CDH4: variants seen among roughly 807,000 people sequenced by gnomAD.
CDH4 encodes cadherin-4.
In CDH4, 33 loss-of-function variants were observed where a neutral mutation model predicts 86.0. That is an observed-to-expected ratio of 0.38 (90% CI 0.29 to 0.51). The LOEUF (loss-of-function observed/expected upper bound fraction) is 0.51. CDH4 is among the 20% of genes least tolerant of loss of function. The pLI, the probability that CDH4 is intolerant of heterozygous loss-of-function variation, is 0.86. For missense variants in CDH4, 1,114 were observed against 1,307.4 expected, an observed-to-expected ratio of 0.85 and a Z score of 2.28; for synonymous variants, 555 against 549.4, an observed-to-expected ratio of 1.01 and a Z score of -0.14.
At chr20:61,509,371 G>A (rs538207870) in intron 2 of CDH4, among the ~76,000 whole-genome samples, 3 of 151,522 alleles carry the variant, frequency 2.0e-5, no homozygotes, top group African/African-American at 7.3e-5. Context: ...CTGGACAAGG[G>A]CAACCATGAT....
At chr20:61,412,981 C>T (rs1280160120) in intron 2 of CDH4, among the ~76,000 whole-genome samples, 2 of 152,196 alleles carry the variant, frequency 1.3e-5, no homozygotes, top group African/African-American at 4.8e-5. Context: ...CTAGGCTTTG[C>T]TTCTGTCCTC....
chr20:61,888,017 G>C (rs960316046), intron 7 of CDH4, among the ~76,000 whole-genome samples: 1 of 152,236 alleles, frequency 6.6e-6, no homozygotes, highest in Non-Finnish European at 1.5e-5. Context: ...TGTCCTGGGA[G>C]GGGGAAGAAA....
At chr20:61,735,536 C>A (rs1243591139) in intron 2 of CDH4, among the ~76,000 whole-genome samples, 2 of 152,138 alleles carry the variant, frequency 1.3e-5, no homozygotes, top group Non-Finnish European at 2.9e-5. Flanking sequence ...GACTCGGGGA[C>A]CAAGCACAGG....
At chr20:61,725,733 C>A in intron 2 of CDH4, among the ~76,000 whole-genome samples, 1 of 151,404 alleles carries the variant, frequency 6.6e-6, no homozygotes, top group South Asian at 2.1e-4. Flanking sequence ...CAGAGAGACA[C>A]AAGGGGGGAG....
At chr20:61,737,667 C>T (rs2088281548) in intron 2 of CDH4, among the ~76,000 whole-genome samples, 1 of 152,214 alleles carries the variant, frequency 6.6e-6, no homozygotes, top group Non-Finnish European at 1.5e-5. Context: ...TCCCTGGTGC[C>T]ATGTCCATGC....
At chr20:61,647,024 T>C (rs2087068050) in intron 2 of CDH4, among the ~76,000 whole-genome samples, 1 of 152,210 alleles carries the variant, frequency 6.6e-6, no homozygotes. Context: ...ACTTCAGCCA[T>C]TCTTGTTGTT....
At chr20:61,400,200 G>A (rs940126845) in intron 2 of CDH4, among the ~76,000 whole-genome samples, 7 of 152,252 alleles carry the variant, frequency 4.6e-5, no homozygotes, top group Admixed American at 2.0e-4. Context: ...GGGAGTTAGT[G>A]CCTCCCAATC....
At chr20:61,827,695 T>C (rs1042179867) in intron 4 of CDH4, among the ~76,000 whole-genome samples, 3 of 152,198 alleles carry the variant, frequency 2.0e-5, no homozygotes, top group Admixed American at 6.5e-5. Flanking sequence ...CCAAGAGGAA[T>C]CAGTGCTTCT....
intron 7 of CDH4, among the ~76,000 whole-genome samples, chr20:61,886,514 C>G (rs1217028522): frequency 6.6e-6 from 1 of 152,230 alleles, no homozygotes; most frequent in Non-Finnish European, 1.5e-5. Context: ...GGCCCCAGCC[C>G]AGGACAGGAG....
intron 15 of CDH4, among the ~76,000 whole-genome samples, chr20:61,934,717 G>GCCCCCCCCCCCCCCCC (rs200122965): frequency 6.7e-6 from 1 of 148,680 alleles, no homozygotes; most frequent in African/African-American, 2.6e-5. Flanking sequence ...AGGCCAACTT[G>GCCCCCCCCCCCCCCCC]CCCCCCCTCC....
chr20:61,899,314 G>A (rs1395877646), intron 8 of CDH4, among the ~76,000 whole-genome samples: 1 of 151,808 alleles, frequency 6.6e-6, no homozygotes, highest in Non-Finnish European at 1.5e-5. Context: ...GAGGGAGGTG[G>A]TATATCATTG....
chr20:61,634,050 C>T (rs1380127333), intron 2 of CDH4, among the ~76,000 whole-genome samples: 1 of 152,180 alleles, frequency 6.6e-6, no homozygotes, highest in East Asian at 1.9e-4. Context: ...GTGTTTCAGA[C>T]CCAGCTAAAG....
intron 4 of CDH4, among the ~76,000 whole-genome samples, chr20:61,830,328 C>T (rs1421708821): frequency 6.6e-6 from 1 of 152,170 alleles, no homozygotes; most frequent in Admixed American, 6.5e-5. Flanking sequence ...TCCACATCCT[C>T]TGCCTCAGAG....
chr20:61,729,637 C>T (rs966136077), intron 2 of CDH4, among the ~76,000 whole-genome samples: 1 of 152,218 alleles, frequency 6.6e-6, no homozygotes, highest in Non-Finnish European at 1.5e-5. Context: ...AAATATTCAA[C>T]AAAGACGTGG....
At chr20:61,257,700 G>A (rs566857098) in intron 2 of CDH4, among the ~76,000 whole-genome samples, 6 of 152,362 alleles carry the variant, frequency 3.9e-5, no homozygotes, top group African/African-American at 9.6e-5. Context: ...TCTCTAAACC[G>A]TAGTTTAGTC....
intron 4 of CDH4, among the ~76,000 whole-genome samples, chr20:61,841,270 C>T (rs1388901949): frequency 6.6e-6 from 1 of 152,212 alleles, no homozygotes; most frequent in Non-Finnish European, 1.5e-5. Flanking sequence ...GCAGCGCTCC[C>T]GGACGGCGGG....
chr20:61,274,897 G>T (rs1308175761), intron 2 of CDH4, among the ~76,000 whole-genome samples: 2 of 147,524 alleles, frequency 1.4e-5, no homozygotes, highest in African/African-American at 5.1e-5. Flanking sequence ...GTTTGGGGCA[G>T]TACTGTGTGC....
chr20:61,290,880 T>A (rs1041290928), intron 2 of CDH4, among the ~76,000 whole-genome samples: 1 of 152,214 alleles, frequency 6.6e-6, no homozygotes, highest in Non-Finnish European at 1.5e-5. Context: ...AAGGGTCTGA[T>A]GTTAGCTTCA....
chr20:61,745,668 G>A (rs1301916668), intron 3 of CDH4, among the ~76,000 whole-genome samples: 6 of 152,240 alleles, frequency 3.9e-5, no homozygotes, highest in African/African-American at 1.4e-4. Context: ...GAGCAAGGCA[G>A]GCCCTTGGAC....
Sources: allele counts gnomAD v4.1 joint callset (sites outside exome capture counted in the v4.1 genomes callset), GRCh38; gene constraint gnomAD v4.1.1; transcripts MANE v1.5; gene names NCBI Gene and HGNC (gene_info 2026-07-23, HGNC 2026-07-21).